DZIP3: variants seen among roughly 807,000 people sequenced by gnomAD.
The protein encoded by DZIP3 is DAZ interacting zinc finger protein 3.
A neutral mutation model predicts 162.0 loss-of-function variants in DZIP3; 118 were observed. The ratio of observed to expected loss-of-function variants is 0.73; its 90% CI spans 0.63 to 0.85. The LOEUF (loss-of-function observed/expected upper bound fraction) is 0.85. Among genes scored for constraint, DZIP3 ranks in the 40% least tolerant of loss-of-function variants. DZIP3 has a pLI of 0.00. For missense variants in DZIP3, 1,331 were observed against 1,407.0 expected (o/e 0.95, Z 0.86); for synonymous variants, 438 against 458.6 (o/e 0.96, Z 0.57).
intron 31 of DZIP3, among the ~76,000 whole-genome samples, chr3:108,689,299 T>G (rs923431155): frequency 8.5e-5 from 13 of 152,196 alleles, no homozygotes; most frequent in Admixed American, 2.0e-4. Context: ...TGTCCATAAT[T>G]AATGACAGCC....
chr3:108,632,929 ATTCT>A lies in DZIP3; in HGVS notation c.697-19_697-16del, dbSNP rs755100486. 4.7e-6 allele frequency: 6 copies of A among 1,270,746 alleles called. No individual in the cohort carries two copies. The highest frequency in any genetic ancestry group is 2.1e-5 in the South Asian group (1 of 48,652). 78.7% of individuals were successfully genotyped at this position (1,270,746 alleles called of 1,614,324 possible). A position where few individuals can be genotyped will look rare whatever the true frequency, so the allele number is the denominator to read the frequency against. ...AATTTATTATTAGTAATTCATGAGA[ATTCT>A]TTCTGTTTTTAAAATCTAGGATCTT... On this transcript the variant is annotated intron_variant, in intron 8 of 32. Coordinates refer to ENST00000361582, the MANE Select transcript of DZIP3 (RefSeq NM_014648.4).
intron 1 of DZIP3, among the ~76,000 whole-genome samples, chr3:108,595,499 G>A (rs1939667902): frequency 6.6e-6 from 1 of 152,050 alleles, no homozygotes; most frequent in Non-Finnish European, 1.5e-5. Flanking sequence ...ACAGACATGA[G>A]CCACCACACC....
intron 28 of DZIP3, among the ~76,000 whole-genome samples, chr3:108,687,651 A>G (rs1944544301): frequency 2.0e-5 from 3 of 152,232 alleles, no homozygotes. Flanking sequence ...AAAGAACCCA[A>G]TGCATAAATA....
At position 108,654,141 on chromosome 3, in the gene DZIP3, A is replaced by G. The variant is rs1278274977; in HGVS notation, c.2034-4A>G. 3.7e-6 allele frequency: 6 copies of G among 1,612,636 alleles called. No individual in the cohort carries two copies. The highest frequency in any genetic ancestry group is 5.1e-6 in the Non-Finnish European group (6 of 1,179,264). The stretch of plus-strand genomic sequence containing the variant: ...AGCTCACATTGATTATGTCACGACT[A>G]CAGCCCATATGTGGTAGAAAAGGAA... On this transcript the variant is annotated splice_polypyrimidine_tract_variant and splice_region_variant and intron_variant, in intron 18 of 32. Transcript: ENST00000361582.
chr3:108,595,705 A>G (rs1939677205), intron 1 of DZIP3, among the ~76,000 whole-genome samples: 2 of 152,222 alleles, frequency 1.3e-5, no homozygotes, highest in South Asian at 2.1e-4. Context: ...TATCCTGAAT[A>G]TATAATCTCT....
At chr3:108,633,176 G>T (rs556192020) in intron 9 of DZIP3, 104 bp downstream of exon 9, 1 of 522,362 alleles carries the variant, frequency 1.9e-6, no homozygotes, top group East Asian at 8.5e-5. Flanking sequence ...TATTTTAAAA[G>T]AGCATTTAGT....
intron 1 of DZIP3, among the ~76,000 whole-genome samples, chr3:108,597,293 A>T (rs1939762504): frequency 6.6e-6 from 1 of 152,202 alleles, no homozygotes; most frequent in Non-Finnish European, 1.5e-5. Context: ...ACTTTAGGTT[A>T]AGAGTACAAG....
chr3:108,620,010 A>G (rs1941242253), intron 5 of DZIP3, among the ~76,000 whole-genome samples: 3 of 152,142 alleles, frequency 2.0e-5, no homozygotes, highest in African/African-American at 7.2e-5. Context: ...GACTCAGCAT[A>G]TGGTTATACT....
At chr3:108,691,025 G>A (rs1944673408) in intron 32 of DZIP3, 122 bp downstream of exon 32, 1 of 748,984 alleles carries the variant, frequency 1.3e-6, no homozygotes, top group Non-Finnish European at 2.1e-6. Flanking sequence ...TATCAAAGCA[G>A]CAGCCAAAGA....
chr3:108,624,346 TAATAATTATTAATTA>T, intron 5 of DZIP3, 83 bp from the exon 6 acceptor site: 1 of 648,984 alleles, frequency 1.5e-6, no homozygotes, highest in Non-Finnish European at 2.7e-6. Flanking sequence ...TTACTTGTTT[TAATAATTATTAATTA>T]AGCTTAGGAT....
At chr3:108,643,559 C>T (rs1942490700) in intron 13 of DZIP3, among the ~76,000 whole-genome samples, 1 of 150,236 alleles carries the variant, frequency 6.7e-6, no homozygotes, top group South Asian at 2.1e-4. Flanking sequence ...CTTTGAGTAG[C>T]AAGGAGCTAG....
intron 13 of DZIP3, 88 bp downstream of exon 13, chr3:108,642,602 G>A (rs949248160): frequency 1.2e-5 from 15 of 1,299,694 alleles, no homozygotes; most frequent in African/African-American, 9.1e-5. Context: ...TAACAACCAC[G>A]TCTTTACTGT....
chr3:108,607,919 T>G (rs995419497), intron 2 of DZIP3, among the ~76,000 whole-genome samples, 170 bp from the exon 3 acceptor site: 1 of 152,194 alleles, frequency 6.6e-6, no homozygotes, highest in African/African-American at 2.4e-5. Context: ...CCAATTCGTC[T>G]TCTTTAACAT....
chr3:108,622,880 C>CTCTGTG (rs796232998), intron 5 of DZIP3, among the ~76,000 whole-genome samples: 748 of 53,090 alleles, frequency 0.014, 26 homozygotes, highest in African/African-American at 0.027. Flanking sequence ...CTCTCTCTCT[C>CTCTGTG]TGTGTGTGTG....
At chr3:108,654,513 A>C in intron 19 of DZIP3, 1 of 522,788 alleles carries the variant, frequency 1.9e-6, no homozygotes, top group South Asian at 2.3e-5. Flanking sequence ...TGGAAACTTC[A>C]CTTTAGCCCT....
Position 108,629,178 on chromosome 3 carries a change from T to G in DZIP3, c.696+2T>G. 1 of 1,529,946 alleles carries G rather than the reference T, an allele frequency of 6.5e-7. No individual in the cohort carries two copies. The highest frequency in any genetic ancestry group is 8.9e-7 in the Non-Finnish European group (1 of 1,128,048). The allele number at this position is 1,529,946 out of a possible 1,614,324, so 94.8% of individuals were successfully genotyped here. On this transcript the variant is annotated splice_donor_variant, in intron 8 of 32. Coordinates refer to ENST00000361582, the MANE Select transcript of DZIP3 (RefSeq NM_014648.4). LOFTEE classifies it high-confidence loss of function. ...GAAGATTTACCTACAACTTTTAAAG[T>G]AAGAAATTATTTAAGAGTAACATTT...
chr3:108,602,961 C>G (rs951948842), intron 1 of DZIP3: 4 of 152,168 alleles, frequency 2.6e-5, no homozygotes, highest in African/African-American at 9.7e-5. Context: ...TCTGTTAATT[C>G]GGGATCCAAG....
At chr3:108,642,132 T>G (rs1314504934) in intron 12 of DZIP3, among the ~76,000 whole-genome samples, 1 of 152,174 alleles carries the variant, frequency 6.6e-6, no homozygotes, top group Non-Finnish European at 1.5e-5. Context: ...TTGCTTTTTT[T>G]GTCTTACAAT....
intron 17 of DZIP3, among the ~76,000 whole-genome samples, chr3:108,649,432 T>C (rs1162913256): frequency 6.6e-6 from 1 of 151,868 alleles, no homozygotes; most frequent in Non-Finnish European, 1.5e-5. Context: ...GCGTTGCTGC[T>C]TCTTTGATTT....
Sources: allele counts gnomAD v4.1 joint callset (sites outside exome capture counted in the v4.1 genomes callset), GRCh38; gene constraint gnomAD v4.1.1; transcripts MANE v1.5; gene names NCBI Gene and HGNC (gene_info 2026-07-23, HGNC 2026-07-21).